The following TAPT1 variants were observed in gnomAD, a reference collection of about 807,000 sequenced individuals.
TAPT1 encodes transmembrane anterior posterior transformation 1, also known as transmembrane anterior posterior transformation protein 1 homolog.
Under a neutral mutation model 65.6 loss-of-function variants are expected in TAPT1, and 28 were observed. The ratio of observed to expected loss-of-function variants is 0.43; its 90% confidence interval spans 0.32 to 0.59. The LOEUF is 0.59. Ranked by LOEUF, TAPT1 falls within the 20% of genes least tolerant of loss-of-function variation. TAPT1 has a pLI of 0.09. For missense variants in TAPT1, 563 were observed against 679.9 expected, an observed-to-expected ratio of 0.83 and a Z score of 1.91; for synonymous variants, 278 against 245.2, an observed-to-expected ratio of 1.13 and a Z score of -1.25.
At chr4:16,184,461 C>T (rs921087609) in intron 7 of TAPT1, among the ~76,000 whole-genome samples, 8 of 152,174 alleles carry the variant, frequency 5.3e-5, no homozygotes, top group African/African-American at 1.9e-4. Context: ...ATGAACAAAG[C>T]TGCCATAATA....
chr4:16,186,651 A>G, intron 6 of TAPT1, 47 bp from the exon 7 acceptor site: 1 of 1,422,904 alleles, frequency 7.0e-7, no homozygotes, highest in Non-Finnish European at 9.7e-7. Flanking sequence ...TAACAGTTTA[A>G]AAACTGGACT....
chr4:16,164,743 A>T (rs1560678990), intron 13 of TAPT1, among the ~76,000 whole-genome samples: 1 of 152,118 alleles, frequency 6.6e-6, no homozygotes, highest in African/African-American at 2.4e-5. Flanking sequence ...CTAACTTCTT[A>T]ACTAATATGC....
At chr4:16,168,291 G>A (rs1169805004) in intron 12 of TAPT1, among the ~76,000 whole-genome samples, 1 of 152,010 alleles carries the variant, frequency 6.6e-6, no homozygotes, top group Non-Finnish European at 1.5e-5. Context: ...TTTCTTTTTT[G>A]TAGAGATGGG....
chr4:16,198,141 A>C (rs567965867), intron 3 of TAPT1, among the ~76,000 whole-genome samples: 1 of 152,206 alleles, frequency 6.6e-6, no homozygotes, highest in Non-Finnish European at 1.5e-5. Flanking sequence ...GCACTGTAGA[A>C]CCACCCTTGT....
At chr4:16,217,759 G>T (rs1299670358) in intron 1 of TAPT1, among the ~76,000 whole-genome samples, 1 of 152,244 alleles carries the variant, frequency 6.6e-6, no homozygotes, top group African/African-American at 2.4e-5. Context: ...ACTTGTGATT[G>T]TGACAGAATT....
chr4:16,204,343 G>A (rs1211801211), intron 2 of TAPT1, among the ~76,000 whole-genome samples: 1 of 152,218 alleles, frequency 6.6e-6, no homozygotes, highest in Non-Finnish European at 1.5e-5. Context: ...AAGCTTTGCA[G>A]AAGAGTATAC....
At chr4:16,199,897 A>G (rs35920719) in intron 3 of TAPT1, among the ~76,000 whole-genome samples, 317 of 151,998 alleles carry the variant, frequency 2.1e-3, no homozygotes, top group African/African-American at 7.3e-3. Flanking sequence ...TCTAGAAAAG[A>G]CTCTTCTAAT....
chr4:16,225,081 T>C (rs1453356677), intron 1 of TAPT1, among the ~76,000 whole-genome samples: 3 of 152,212 alleles, frequency 2.0e-5, no homozygotes, highest in Non-Finnish European at 4.4e-5. Context: ...TGAAAGCAAA[T>C]GTTTAACTGA....
At position 16,160,654 on chromosome 4, in the gene TAPT1, T is replaced by G. The variant is rs569255029; in HGVS notation, c.*2654A>C. 6.6e-6 allele frequency: 1 copy of G among 152,212 alleles called. No individual in the cohort carries two copies. Among genetic ancestry groups the G allele is most frequent in the African/African-American group, 2.4e-5 (1 of 41,434 alleles). 9.4% of individuals were successfully genotyped at this position (152,212 alleles called of 1,614,324 possible). ...AGGGACTTATCTTGCTCATTGCTGATCCCACCACTTAGAACAGTTTCTGAC... is the reference window on the plus strand; with the variant it reads ...AGGGACTTATCTTGCTCATTGCTGAGCCCACCACTTAGAACAGTTTCTGAC... On this transcript the variant is annotated 3_prime_UTR_variant, in exon 14 of 14. Transcript: ENST00000405303.
chr4:16,175,565 A>G (rs1748268336), intron 9 of TAPT1, among the ~76,000 whole-genome samples: 1 of 152,186 alleles, frequency 6.6e-6, no homozygotes, highest in Non-Finnish European at 1.5e-5. Context: ...CTACATTAGG[A>G]AACTTTCTTA....
At chr4:16,225,837 C>T (rs1236085897) in intron 1 of TAPT1, 1 of 979,358 alleles carries the variant, frequency 1.0e-6, no homozygotes, top group African/African-American at 1.8e-5. Flanking sequence ...GTTTCTATGG[C>T]TCAAGTTTGC....
At chr4:16,220,617 T>C (rs1751200043) in intron 1 of TAPT1, among the ~76,000 whole-genome samples, 1 of 151,966 alleles carries the variant, frequency 6.6e-6, no homozygotes, top group Non-Finnish European at 1.5e-5. Flanking sequence ...GGCATGGTGG[T>C]GCACGCCTGC....
intron 7 of TAPT1, among the ~76,000 whole-genome samples, chr4:16,183,591 T>C (rs565526238): frequency 2.6e-5 from 4 of 152,146 alleles, no homozygotes; most frequent in Non-Finnish European, 4.4e-5. Context: ...TACACAAGGA[T>C]TGAAAACCTT....
intron 7 of TAPT1, among the ~76,000 whole-genome samples, chr4:16,185,073 C>T (rs1443782761): frequency 1.3e-5 from 2 of 151,856 alleles, no homozygotes; most frequent in Non-Finnish European, 2.9e-5. Context: ...ATATTTTGTT[C>T]TAGAAGTTTT....
At chr4:16,195,202 A>G (rs1447080152) in intron 3 of TAPT1, among the ~76,000 whole-genome samples, 1 of 152,242 alleles carries the variant, frequency 6.6e-6, no homozygotes, top group African/African-American at 2.4e-5. Context: ...ACTTGAACCA[A>G]TCAGTTTATT....
intron 2 of TAPT1, among the ~76,000 whole-genome samples, chr4:16,205,146 C>T (rs1197388309): frequency 2.0e-5 from 3 of 152,186 alleles, no homozygotes; most frequent in South Asian, 2.1e-4. Flanking sequence ...AAAAAATCTA[C>T]GTGTCCCTTT....
At chr4:16,166,971 C>A in intron 12 of TAPT1, 178 bp from the exon 13 acceptor site, 7 of 427,750 alleles carry the variant, frequency 1.6e-5, no homozygotes, top group Non-Finnish European at 2.5e-5. Flanking sequence ...CAAAGAAAAA[C>A]TTCGGAATTC....
Position 16,202,468 on chromosome 4 carries a change from C to G in TAPT1, c.443G>C (p.Gly148Ala), listed in dbSNP as rs1181905607. The G allele has an allele frequency of 6.5e-7, 1 of 1,530,166 alleles. No homozygotes were observed. The allele number at this position is 1,530,166 out of a possible 1,614,324, so 94.8% of individuals were successfully genotyped here. Reference protein sequence around the residue: ...LFRLLTLPCYGLRDRRLLQPA... With the variant: ...LFRLLTLPCYALRDRRLLQPA... ...TTAACGATCTTAAACTTACCTTAAG[C>G]CATAGCAAGGCAAAGTGAGGAGCCT... Residue 148 changes from glycine (G) to alanine (A), a missense_variant, in exon 3 of 14, where the codon GGC (glycine) becomes GCC (alanine). By Grantham distance (60) the Gly-to-Ala change is moderately conservative. Transcript: ENST00000405303.
chr4:16,225,575 A>C (rs1751502935), intron 1 of TAPT1, among the ~76,000 whole-genome samples: 1 of 152,254 alleles, frequency 6.6e-6, no homozygotes, highest in African/African-American at 2.4e-5. Flanking sequence ...AATGAGAATA[A>C]AAACCTACAG....
Sources: allele counts gnomAD v4.1 joint callset (sites outside exome capture counted in the v4.1 genomes callset), GRCh38; gene constraint gnomAD v4.1.1; transcripts MANE v1.5; gene names NCBI Gene and HGNC (gene_info 2026-07-23, HGNC 2026-07-21).